The following BCKDHA variants were observed in gnomAD, a reference collection of about 807,000 sequenced individuals.
BCKDHA encodes branched chain keto acid dehydrogenase E1 subunit alpha.
BCKDHA carries 43 observed loss-of-function variants against 52.2 expected under a neutral mutation model. That is an observed-to-expected ratio of 0.82 (90% confidence interval 0.64 to 1.06). BCKDHA has a LOEUF of 1.06. Ranked by LOEUF, BCKDHA falls within the 50% of genes least tolerant of loss-of-function variation. The pLI, the probability that BCKDHA is intolerant of heterozygous loss-of-function variation, is 0.00. For synonymous variants in BCKDHA, 234 were observed against 247.9 expected, an observed-to-expected ratio of 0.94 and a Z score of 0.53; for missense variants, 527 against 621.3, an observed-to-expected ratio of 0.85 and a Z score of 1.61.
Position 41,418,167 on chromosome 19 carries a change from G to A in BCKDHA, c.485-968G>A, listed in dbSNP as rs139120909. 8.5e-4 allele frequency among the ~76,000 whole-genome samples: 129 copies of A among 151,608 alleles called. 1 individual carries two copies. The highest frequency in any genetic ancestry group is 2.8e-3 in the African/African-American group (115 of 41,318). ...TCCATTAAATTTGTATCTAAAGAGC[G>A]GGTTCTGCGGTAAAGAAAGGATTTG... On this transcript the variant is annotated intron_variant, in intron 4 of 8. Coordinates refer to ENST00000269980, the MANE Select transcript of BCKDHA (RefSeq NM_000709.4).
intron 1 of BCKDHA, among the ~76,000 whole-genome samples, chr19:41,408,296 G>A (rs549057448): frequency 6.7e-6 from 1 of 149,656 alleles, no homozygotes; most frequent in African/African-American, 2.5e-5. Flanking sequence ...GTGGTTTGGT[G>A]CAGGTTATTT....
Position 41,424,737 on chromosome 19 carries a change from C to G in BCKDHA, c.*129C>G. 1 of 1,096,216 alleles carries G rather than the reference C, an allele frequency of 9.1e-7. No homozygotes were observed. The highest frequency in any genetic ancestry group is 1.6e-5 in the African/African-American group (1 of 62,948). 67.9% of individuals were successfully genotyped at this position (1,096,216 alleles called of 1,614,324 possible). A position where few individuals can be genotyped will look rare whatever the true frequency, so the allele number is the denominator to read the frequency against. On this transcript the variant is annotated 3_prime_UTR_variant, in exon 9 of 9. Coordinates refer to ENST00000269980, the MANE Select transcript of BCKDHA (RefSeq NM_000709.4). ...AGCTCCCTCTAAAATACTCAGCGGC[C>G]AGGGCGGCTGCCACTCTTCACCCCT...
intron 5 of BCKDHA, among the ~76,000 whole-genome samples, chr19:41,421,106 G>A (rs2039359312): frequency 1.3e-5 from 2 of 152,292 alleles, no homozygotes; most frequent in South Asian, 4.1e-4. Context: ...TCTCAGAGGA[G>A]GGGGCATTTA....
At chr19:41,421,387 G>T (rs571459136) in intron 5 of BCKDHA, among the ~76,000 whole-genome samples, 73 of 152,270 alleles carry the variant, frequency 4.8e-4, no homozygotes, top group African/African-American at 1.7e-3. Context: ...AGCCAGCCGG[G>T]TGTGGTGCAC....
rs1407737290 is a variant in BCKDHA at position 41,422,432 on chromosome 19, G to A, written c.853+62G>A. 8 of 1,597,384 alleles carry A rather than the reference G, an allele frequency of 5.0e-6. No homozygotes were observed. In the South Asian group the frequency reaches 7.7e-5, roughly 15 times the overall value. ...ATCATCTCCTTCCCTCCCCAATCCT[G>A]CCACCTTCCTGCCACCCCTACCCTC... On this transcript the variant is annotated intron_variant, in intron 6 of 8. Coordinates refer to ENST00000269980, the MANE Select transcript of BCKDHA (RefSeq NM_000709.4).
At chr19:41,410,011 C>A (rs371914366) in intron 1 of BCKDHA, among the ~76,000 whole-genome samples, 5 of 152,114 alleles carry the variant, frequency 3.3e-5, no homozygotes, top group African/African-American at 1.2e-4. Context: ...ATGTTGGCCA[C>A]ATTGATCTCG....
chr19:41,422,423 C>G, intron 6 of BCKDHA, 53 bp downstream of exon 6: 1 of 1,605,206 alleles, frequency 6.2e-7, no homozygotes. Context: ...TCCTTCCCTC[C>G]CCAATCCTGC....
rs144717663 is a variant in BCKDHA at position 41,407,950 on chromosome 19, AT to A, written c.109-2664del. On this transcript the variant is annotated intron_variant, in intron 1 of 8. Transcript: ENST00000269980. ...GCGTTGGAAGCCCAGTTCTGATGTA[AT>A]TTTTTTTTTTTTTTTTTTTTTTGAG... is the stretch of plus-strand genomic sequence containing the variant. 3.0e-3 allele frequency among the ~76,000 whole-genome samples: 373 copies of A among 124,454 alleles called. 2 individuals are homozygous for A. Among genetic ancestry groups the A allele is most frequent in the South Asian group, 0.021 (81 of 3,814 alleles). 81.6% of individuals were successfully genotyped at this position (124,454 alleles called of 152,430 possible).
chr19:41,412,347 C>A (rs892719226), intron 3 of BCKDHA, among the ~76,000 whole-genome samples: 2 of 144,928 alleles, frequency 1.4e-5, no homozygotes, highest in Non-Finnish European at 3.0e-5. Context: ...CTATCCCTTT[C>A]TCCCCTCTCA....
intron 4 of BCKDHA, among the ~76,000 whole-genome samples, chr19:41,415,729 A>G (rs1162601689): frequency 6.6e-6 from 1 of 151,422 alleles, no homozygotes; most frequent in Non-Finnish European, 1.5e-5. Flanking sequence ...GCTCACTGCA[A>G]GCTCCACCTC....
chr19:41,419,590 C>T (rs1032588643), intron 5 of BCKDHA, among the ~76,000 whole-genome samples: 5 of 152,092 alleles, frequency 3.3e-5, no homozygotes, highest in African/African-American at 4.8e-5. Context: ...TACAGGTGTG[C>T]ACCACCACGC....
intron 8 of BCKDHA, among the ~76,000 whole-genome samples, 173 bp from the exon 9 acceptor site, chr19:41,424,265 C>T (rs1406898106): frequency 6.6e-6 from 1 of 152,190 alleles, no homozygotes; most frequent in Non-Finnish European, 1.5e-5. Flanking sequence ...AGCACCTGAT[C>T]CCTGCTGGGA....
In BCKDHA at chr19:41,410,642, C is replaced by T. The variant is rs11549935; in HGVS notation, c.114C>T (p.Pro38=). The change falls in exon 2 of 9, where the codon CCC becomes CCT. Residue 38 remains proline, a synonymous_variant. Coordinates refer to ENST00000269980, the MANE Select transcript of BCKDHA (RefSeq NM_000709.4). The part of the protein sequence containing the change: ...PGARGLARSH[P]PRQQQQFSSL... The stretch of plus-strand genomic sequence containing the variant: ...TCCTCTGCTCTCTTCCCCAGCACCC[C>T]CCCAGGCAGCAGCAGCAGTTTTCAT... 6.6e-3 allele frequency: 10,708 copies of T among 1,614,130 alleles called. 559 individuals are homozygous for T. The African/African-American group carries it at 0.12, about 18-fold the overall frequency.
intron 6 of BCKDHA, 48 bp from the exon 7 acceptor site, chr19:41,422,581 T>A (rs762503256): frequency 1.2e-6 from 2 of 1,612,014 alleles, no homozygotes; most frequent in African/African-American, 2.7e-5. Flanking sequence ...CTCGTGCATG[T>A]TCCTTATCTC....
Position 41,424,827 on chromosome 19 carries a change from C to T in BCKDHA, c.*219C>T. 1 of 543,374 alleles carries T rather than the reference C, an allele frequency of 1.8e-6. No individual in the cohort carries two copies. Among genetic ancestry groups the T allele is most frequent in the Non-Finnish European group, 3.2e-6 (1 of 310,446 alleles). 33.7% of individuals were successfully genotyped at this position (543,374 alleles called of 1,614,324 possible). A position where few individuals can be genotyped will look rare whatever the true frequency, so the allele number is the denominator to read the frequency against. On this transcript the variant is annotated 3_prime_UTR_variant, in exon 9 of 9. Coordinates refer to ENST00000269980, the MANE Select transcript of BCKDHA (RefSeq NM_000709.4). ...CAGCAGTTGCTGAGGCTCCGTCAGCCCCCTCTTCACCTGTTGTTACAGTGC... is the reference window on the plus strand; with the variant it reads ...CAGCAGTTGCTGAGGCTCCGTCAGCTCCCTCTTCACCTGTTGTTACAGTGC...
intron 3 of BCKDHA, among the ~76,000 whole-genome samples, chr19:41,412,459 C>T (rs564167386): frequency 4.2e-5 from 6 of 141,612 alleles, no homozygotes; most frequent in African/African-American, 1.6e-4. Context: ...ACGATCTTGG[C>T]TCACCGCCTC....
chr19:41,419,189 G>T lies in BCKDHA; in HGVS notation c.539G>T (p.Gly180Val). Residue 180 changes from glycine (G) to valine (V), a missense_variant, in exon 5 of 9, where the codon GGC (glycine) becomes GTC (valine). By Grantham distance (109) the Gly-to-Val change is moderately radical. Coordinates refer to ENST00000269980, the MANE Select transcript of BCKDHA (RefSeq NM_000709.4). ...GAACTATTCATGGCCCAGTGCTATG[G>T]CAACATCAGTGACTTGGGCAAGGGG... ...PLELFMAQCY[G>V]NISDLGKGRQ... The T allele has an allele frequency of 6.2e-7, 1 of 1,614,202 alleles. No individual in the cohort carries two copies. Among genetic ancestry groups the T allele is most frequent in the Non-Finnish European group, 8.5e-7 (1 of 1,180,030 alleles).
chr19:41,415,081 A>G (rs1218427757), intron 4 of BCKDHA, among the ~76,000 whole-genome samples: 1 of 152,140 alleles, frequency 6.6e-6, no homozygotes, highest in Non-Finnish European at 1.5e-5. Context: ...GCAGGGCCAG[A>G]CCACGTGGCT....
Position 41,422,293 on chromosome 19 carries a change from C to T in BCKDHA, c.776C>T (p.Pro259Leu), listed in dbSNP as rs2122143393. ...AACTTCGCTGCCACACTTGAGTGCC[C>T]CATCATCTTCTTCTGCCGGAACAAT... ...GFNFAATLEC[P>L]IIFFCRNNGY... The change falls in exon 6 of 9, where the codon CCC becomes CTC. Residue 259 changes from proline (P) to leucine (L), a missense_variant. Coordinates refer to ENST00000269980, the MANE Select transcript of BCKDHA (RefSeq NM_000709.4). 6.2e-7 allele frequency: 1 copy of T among 1,614,192 alleles called. No homozygotes were observed. Among genetic ancestry groups the T allele is most frequent in the African/African-American group, 1.3e-5 (1 of 75,046 alleles).
Sources: allele counts gnomAD v4.1 joint callset (sites outside exome capture counted in the v4.1 genomes callset), GRCh38; gene constraint gnomAD v4.1.1; transcripts MANE v1.5; gene names NCBI Gene and HGNC (gene_info 2026-07-23, HGNC 2026-07-21).